RNF19A: variants seen among roughly 807,000 people sequenced by gnomAD.
The protein encoded by RNF19A is ring finger protein 19A, RBR E3 ubiquitin protein ligase.
A neutral mutation model predicts 75.7 loss-of-function variants in RNF19A; 32 were observed. The observed-to-expected ratio is 0.42, with a 90% CI of 0.32 to 0.57. The LOEUF (loss-of-function observed/expected upper bound fraction) is 0.57, where lower values mean the gene tolerates loss of function less well. Among genes scored for constraint, RNF19A ranks in the 20% least tolerant of loss-of-function variants. RNF19A has a pLI of 0.10. For missense variants in RNF19A, 782 were observed against 1,036.3 expected, an observed-to-expected ratio of 0.75 and a Z score of 3.37; for synonymous variants, 335 against 345.2, an observed-to-expected ratio of 0.97 and a Z score of 0.33.
intron 7 of RNF19A, among the ~76,000 whole-genome samples, chr8:100,262,894 G>A (rs1819791063): frequency 6.6e-6 from 1 of 152,126 alleles, no homozygotes; most frequent in African/African-American, 2.4e-5. Flanking sequence ...TAGGACAAGA[G>A]GGAAAAGAGG....
At position 100,260,837 on chromosome 8, in the gene RNF19A, G is replaced by A. The variant is rs898435256; in HGVS notation, c.1682+705C>T. On this transcript the variant is annotated intron_variant, in intron 8 of 9. Transcript: ENST00000341084. The surrounding 1 kb of genome is among the most constrained non-coding windows in gnomAD (Gnocchi z 4.1). ...AGTAAGCAAGCATTAATACATAAAA[G>A]GACCCTAGCCGATTATCCCGGTCCC... Among the ~76,000 whole-genome samples the A allele has an allele frequency of 6.6e-6, 1 of 152,132 alleles. No individual in the cohort carries two copies. Among genetic ancestry groups the A allele is most frequent in the Non-Finnish European group, 1.5e-5 (1 of 68,024 alleles).
chr8:100,261,761 T>G lies in RNF19A; in HGVS notation c.1469-6A>C. On this transcript the variant is annotated splice_region_variant and splice_polypyrimidine_tract_variant and intron_variant, in intron 7 of 9. Coordinates refer to ENST00000341084, the MANE Select transcript of RNF19A (RefSeq NM_183419.4). The surrounding 1 kb of genome is among the most constrained non-coding windows in gnomAD (Gnocchi z 4.4). ...TTCTGCTACTGATGTTGTGTCTAAATGCAAATATTCCAAAGAAACTAAGTA... is the reference window on the plus strand; with the variant it reads ...TTCTGCTACTGATGTTGTGTCTAAAGGCAAATATTCCAAAGAAACTAAGTA... 6.2e-7 allele frequency: 1 copy of G among 1,613,662 alleles called. No homozygotes were observed.
Position 100,332,297 on chromosome 8 carries a change from A to T in RNF19A, c.-243+3811T>A, listed in dbSNP as rs770801186. Among the ~76,000 whole-genome samples the T allele has an allele frequency of 6.6e-5, 10 of 151,598 alleles. No homozygotes were observed. The highest frequency in any genetic ancestry group is 1.0e-4 in the Non-Finnish European group (7 of 67,912). Reference sequence around the variant, plus strand: ...TTGGGTCATGGTGGTAATTTCCCCCATGTTGTTCTCATGATAGTGAGTGAG... The same window carrying T: ...TTGGGTCATGGTGGTAATTTCCCCCTTGTTGTTCTCATGATAGTGAGTGAG... On this transcript the variant is annotated intron_variant, in intron 1 of 3. Coordinates refer to the RNF19A transcript ENST00000519527. The surrounding 1 kb of genome is among the most constrained non-coding windows in gnomAD (Gnocchi z 4.8).
chr8:100,293,661 G>A (rs1201715388), intron 1 of RNF19A, among the ~76,000 whole-genome samples: 1 of 152,006 alleles, frequency 6.6e-6, no homozygotes, highest in East Asian at 1.9e-4. Flanking sequence ...AGGAATTCGG[G>A]GAAAATTATT....
chr8:100,267,337 T>C (rs1187771284), intron 5 of RNF19A, among the ~76,000 whole-genome samples: 1 of 152,102 alleles, frequency 6.6e-6, no homozygotes, highest in Non-Finnish European at 1.5e-5. Context: ...TAAAAGTACA[T>C]ACAACACCTA....
chr8:100,291,535 C>T (rs1362203848), intron 1 of RNF19A, among the ~76,000 whole-genome samples: 1 of 152,150 alleles, frequency 6.6e-6, no homozygotes, highest in Non-Finnish European at 1.5e-5. Flanking sequence ...AATATCCCAC[C>T]AATAAACATC....
chr8:100,293,554 G>A (rs1586660054), intron 1 of RNF19A, among the ~76,000 whole-genome samples: 1 of 152,130 alleles, frequency 6.6e-6, no homozygotes, highest in South Asian at 2.1e-4. Flanking sequence ...ATGTTCAGCA[G>A]TTTGATAAAG....
At chr8:100,326,680 A>G (rs540382288) in intron 1 of RNF19A, among the ~76,000 whole-genome samples, 6 of 152,156 alleles carry the variant, frequency 3.9e-5, no homozygotes, top group Non-Finnish European at 8.8e-5. Context: ...TTTCCTTCCC[A>G]TGAGCTCTTG....
chr8:100,269,851 C>G lies in RNF19A; in HGVS notation c.1028+18G>C. On this transcript the variant is annotated intron_variant, in intron 4 of 9. Transcript: ENST00000341084. The surrounding 1 kb of genome is among the most constrained non-coding windows in gnomAD (Gnocchi z 5.7). Reference sequence around the variant, plus strand: ...TAAAATTACATTTACATATAAATAGCTCCTTCTATAAGCTTACCTTAGATA... The same window carrying G: ...TAAAATTACATTTACATATAAATAGGTCCTTCTATAAGCTTACCTTAGATA... 1 of 1,553,450 alleles carries G rather than the reference C, an allele frequency of 6.4e-7. No homozygotes were observed. Among genetic ancestry groups the G allele is most frequent in the Non-Finnish European group, 8.7e-7 (1 of 1,151,936 alleles).
At chr8:100,309,328 G>A (rs1822194558) in intron 1 of RNF19A, 1 of 985,710 alleles carries the variant, frequency 1.0e-6, no homozygotes, top group Non-Finnish European at 1.2e-6. Flanking sequence ...CCTCCCTAAG[G>A]CCCCAGGCAG....
chr8:100,274,663 G>C (rs377017421), intron 3 of RNF19A, among the ~76,000 whole-genome samples: 2 of 152,142 alleles, frequency 1.3e-5, no homozygotes, highest in African/African-American at 4.8e-5. Context: ...GGGATTACAG[G>C]AGTGAGCTAC....
intron 1 of RNF19A, among the ~76,000 whole-genome samples, chr8:100,318,752 A>G (rs1372218317): frequency 6.6e-6 from 1 of 152,272 alleles, no homozygotes; most frequent in Non-Finnish European, 1.5e-5. Context: ...TAATGCAACA[A>G]AGAACACTCA....
chr8:100,268,649 T>C, intron 5 of RNF19A, 136 bp downstream of exon 5: 1 of 481,630 alleles, frequency 2.1e-6, no homozygotes, highest in South Asian at 6.9e-5. Context: ...AGAGTAACTG[T>C]TTTATACTGA....
Position 100,301,135 on chromosome 8 carries a change from T to C in RNF19A, c.-94+8732A>G, listed in dbSNP as rs999649382. ...TTAAATTTTAGTTCCTCAGTTGTGC[T>C]AGTCACATTTCAAATGCTCTACAAC... On this transcript the variant is annotated intron_variant, in intron 1 of 9. Coordinates refer to ENST00000341084, the MANE Select transcript of RNF19A (RefSeq NM_183419.4). Among the ~76,000 whole-genome samples, 9 of 152,382 alleles carry C rather than the reference T, an allele frequency of 5.9e-5. No homozygotes were observed. In the Middle Eastern group the frequency reaches 0.014, roughly 230 times the overall value.
chr8:100,335,000 A>G (rs1822659579), intron 1 of RNF19A, among the ~76,000 whole-genome samples: 1 of 152,246 alleles, frequency 6.6e-6, no homozygotes, highest in Admixed American at 6.5e-5. Context: ...CCCTGTTGTT[A>G]TACAGTTAAG....
chr8:100,332,419 G>C lies in RNF19A; in HGVS notation c.-243+3689C>G, dbSNP rs1050911563. ...CTTGTGAAGAAGGTGCCTGCTTCTC[G>C]TTCCACCATGATTGTAAGTTTTCTG... On this transcript the variant is annotated intron_variant, in intron 1 of 3. Transcript: ENST00000519527. This position sits in a 1 kb window ranked among gnomAD's most constrained non-coding sequence, Gnocchi z 4.8. 1.3e-4 allele frequency among the ~76,000 whole-genome samples: 20 copies of C among 152,112 alleles called. No individual in the cohort carries two copies. Among genetic ancestry groups the C allele is most frequent in the Admixed American group, 1.3e-3 (20 of 15,268 alleles).
chr8:100,270,878 A>G (rs1820224233), intron 3 of RNF19A, among the ~76,000 whole-genome samples: 1 of 152,190 alleles, frequency 6.6e-6, no homozygotes, highest in Non-Finnish European at 1.5e-5. Flanking sequence ...AATCAAGTGT[A>G]ACATAACTTT....
In RNF19A at chr8:100,258,678, G is replaced by C; in HGVS notation, c.2395C>G (p.His799Asp). The change falls in exon 10 of 10, where the codon CAT (histidine) becomes GAT (aspartate). Residue 799 changes from histidine to aspartate, a missense_variant. Physicochemically the swap from His to Asp is moderately conservative, Grantham distance 81 (BLOSUM62 -1). Transcript: ENST00000341084. This position sits in a 1 kb window ranked among gnomAD's most constrained non-coding sequence, Gnocchi z 4.3. ...VSQLNHIAEE[H>D]GNNGIKPNVD... Reference sequence around the variant, plus strand: ...TTAGGTTTTATTCCATTGTTACCATGTTCTTCAGCAATATGATTCAACTGT... The same window carrying C: ...TTAGGTTTTATTCCATTGTTACCATCTTCTTCAGCAATATGATTCAACTGT... 6.2e-7 allele frequency: 1 copy of C among 1,614,104 alleles called. No individual in the cohort carries two copies. The highest frequency in any genetic ancestry group is 1.6e-4 in the Middle Eastern group (1 of 6,062).
chr8:100,262,225 T>C (rs1341212336), intron 7 of RNF19A, among the ~76,000 whole-genome samples: 1 of 152,188 alleles, frequency 6.6e-6, no homozygotes, highest in Middle Eastern at 3.2e-3. Flanking sequence ...TGCACCAATA[T>C]TTGAGTTCCT....
Sources: allele counts gnomAD v4.1 joint callset (sites outside exome capture counted in the v4.1 genomes callset), GRCh38; gene constraint gnomAD v4.1.1; non-coding constraint Gnocchi (gnomAD v3.1); transcripts MANE v1.5; gene names NCBI Gene and HGNC (gene_info 2026-07-23, HGNC 2026-07-21).